FER1L6: variants seen among roughly 807,000 people sequenced by gnomAD.
The protein encoded by FER1L6 is fer-1-like protein 6.
Under a neutral mutation model 219.2 loss-of-function variants are expected in FER1L6, and 177 were observed. The observed-to-expected ratio is 0.81, with a 90% CI of 0.71 to 0.91. The LOEUF (loss-of-function observed/expected upper bound fraction) is 0.91. Ranked by LOEUF, FER1L6 falls within the 40% of genes least tolerant of loss-of-function variation. The pLI, the probability that FER1L6 is intolerant of heterozygous loss-of-function variation, is 0.00. For synonymous variants in FER1L6, 768 were observed against 824.3 expected, an observed-to-expected ratio of 0.93 and a Z score of 1.17; for missense variants, 2,153 against 2,259.9, an observed-to-expected ratio of 0.95 and a Z score of 0.96.
intron 39 of FER1L6, among the ~76,000 whole-genome samples, chr8:124,108,151 G>A (rs1822855794): frequency 6.6e-6 from 1 of 152,172 alleles, no homozygotes; most frequent in South Asian, 2.1e-4. Flanking sequence ...CTGGAGCCCA[G>A]GAGCTCAAGT....
chr8:123,973,378 A>C, intron 6 of FER1L6, 56 bp from the exon 7 acceptor site: 1 of 1,391,334 alleles, frequency 7.2e-7, no homozygotes, highest in South Asian at 1.2e-5. Context: ...GACAAGGGTC[A>C]AGGCCTCTTA....
At chr8:124,090,219 T>C (rs1238788250) in intron 33 of FER1L6, among the ~76,000 whole-genome samples, 2 of 152,220 alleles carry the variant, frequency 1.3e-5, no homozygotes, top group Non-Finnish European at 2.9e-5. Flanking sequence ...AGTCTCTCTT[T>C]CTGGTCTATT....
At chr8:124,072,763 T>TTAGAAG (rs1563782411) in intron 31 of FER1L6, among the ~76,000 whole-genome samples, 1 of 151,992 alleles carries the variant, frequency 6.6e-6, no homozygotes, top group Non-Finnish European at 1.5e-5. Context: ...GAACTTAGAG[T>TTAGAAG]CACTGACAAT....
chr8:123,882,147 G>C (rs7837957), intron 1 of FER1L6, among the ~76,000 whole-genome samples: 3 of 151,946 alleles, frequency 2.0e-5, no homozygotes, highest in Non-Finnish European at 2.9e-5. Context: ...GAAACCCAAA[G>C]GGAATGTCCT....
chr8:123,928,958 A>G (rs11997222), intron 1 of FER1L6, among the ~76,000 whole-genome samples: 8,541 of 152,174 alleles, frequency 0.056, 780 homozygotes, highest in African/African-American at 0.19. Flanking sequence ...TGACTTAATT[A>G]CCAGTGAAAT....
Position 124,013,510 on chromosome 8 carries a change from G to C in FER1L6, c.1901G>C (p.Ser634Thr). The C allele has an allele frequency of 6.2e-7, 1 of 1,609,120 alleles. No individual in the cohort carries two copies. Among genetic ancestry groups the C allele is most frequent in the South Asian group, 1.1e-5 (1 of 90,092 alleles). Residue 634 changes from serine (S) to threonine (T), a missense_variant, in exon 15 of 41, where the codon AGT becomes ACT. Physicochemically the swap from Ser to Thr is moderately conservative, Grantham distance 58. Coordinates refer to ENST00000522917, the MANE Select transcript of FER1L6 (RefSeq NM_001039112.2). ...GAAGAGAAAATGAAAACAGTGCTCA[G>C]TGACTTCATCAGTCGGAGCAGGTAC... ...APEEKMKTVLSDFISRSSAFI... is the reference protein window; with the variant it reads ...APEEKMKTVLTDFISRSSAFI...
At chr8:124,069,786 G>A (rs1198092526) in intron 29 of FER1L6, among the ~76,000 whole-genome samples, 18 of 152,138 alleles carry the variant, frequency 1.2e-4, no homozygotes, top group Admixed American at 1.1e-3. Flanking sequence ...ATGCAAATGT[G>A]TACACACTCA....
chr8:124,095,482 C>A (rs879363747), intron 35 of FER1L6, among the ~76,000 whole-genome samples: 1 of 152,168 alleles, frequency 6.6e-6, no homozygotes, highest in Non-Finnish European at 1.5e-5. Flanking sequence ...CACAAACACA[C>A]AATTTTCCCA....
At chr8:123,941,261 A>G (rs1462295196) in intron 1 of FER1L6, among the ~76,000 whole-genome samples, 1 of 152,238 alleles carries the variant, frequency 6.6e-6, no homozygotes, top group Non-Finnish European at 1.5e-5. Context: ...AGATAGAACC[A>G]GGGTACCTGG....
At chr8:124,039,492 G>A (rs1334086606) in intron 19 of FER1L6, among the ~76,000 whole-genome samples, 1 of 152,168 alleles carries the variant, frequency 6.6e-6, no homozygotes, top group Non-Finnish European at 1.5e-5. Flanking sequence ...TTTAGAAAGA[G>A]AAGAGGATTT....
chr8:124,048,510 G>A (rs1479463569), intron 21 of FER1L6, among the ~76,000 whole-genome samples: 1 of 152,214 alleles, frequency 6.6e-6, no homozygotes, highest in African/African-American at 2.4e-5. Flanking sequence ...CAGAGCCATC[G>A]CATCGCATAC....
intron 7 of FER1L6, 65 bp downstream of exon 7, chr8:123,973,577 C>A: frequency 8.5e-7 from 1 of 1,173,720 alleles, no homozygotes; most frequent in South Asian, 1.2e-5. Flanking sequence ...CTGGAGTCAT[C>A]CCATTCATTC....
intron 18 of FER1L6, among the ~76,000 whole-genome samples, chr8:124,026,894 A>G (rs145283413): frequency 4.6e-5 from 7 of 152,290 alleles, no homozygotes; most frequent in Non-Finnish European, 8.8e-5. Flanking sequence ...GAGATATATT[A>G]TCTCATGGTT....
At position 124,017,679 on chromosome 8, in the gene FER1L6, T is replaced by G. The variant is rs1818260303; in HGVS notation, c.1974T>G (p.Thr658=). ...AGCCCAAGATGTTGAACCAAACCAC[T>G]TTAGATAAGAAGCGACTTACGCTCT... The part of the protein sequence containing the change: ...EKKPKMLNQT[T]LDKKRLTLCW... Residue 658 remains threonine, a synonymous_variant, in exon 16 of 41, where the codon ACT becomes ACG. Coordinates refer to ENST00000522917, the MANE Select transcript of FER1L6 (RefSeq NM_001039112.2). 2 of 1,613,848 alleles carry G rather than the reference T, an allele frequency of 1.2e-6. No homozygotes were observed. Among genetic ancestry groups the G allele is most frequent in the Admixed American group, 3.3e-5 (2 of 60,008 alleles).
intron 1 of FER1L6, among the ~76,000 whole-genome samples, chr8:123,856,128 TATAC>T: frequency 5.6e-5 from 3 of 53,576 alleles, no homozygotes; most frequent in African/African-American, 1.4e-4. Flanking sequence ...GATATATGTA[TATAC>T]ATATGTGTAT....
intron 7 of FER1L6, among the ~76,000 whole-genome samples, chr8:123,973,977 A>T (rs968452545): frequency 6.6e-6 from 1 of 152,268 alleles, no homozygotes; most frequent in African/African-American, 2.4e-5. Context: ...AATGCTTAGT[A>T]AAGAGTCTCA....
chr8:123,915,154 G>T (rs190775386), intron 1 of FER1L6, among the ~76,000 whole-genome samples: 2 of 149,832 alleles, frequency 1.3e-5, no homozygotes, highest in African/African-American at 4.9e-5. Flanking sequence ...ATTTCTTTCT[G>T]CTTCAAAGAC....
At chr8:123,881,400 G>C (rs1817106891) in intron 1 of FER1L6, among the ~76,000 whole-genome samples, 1 of 152,126 alleles carries the variant, frequency 6.6e-6, no homozygotes, top group Non-Finnish European at 1.5e-5. Context: ...TTTTCTCTTT[G>C]TTTTGATGTT....
intron 6 of FER1L6, among the ~76,000 whole-genome samples, chr8:123,971,398 C>T (rs1815807963): frequency 6.6e-6 from 1 of 152,198 alleles, no homozygotes; most frequent in African/African-American, 2.4e-5. Context: ...GACTTTGTTC[C>T]ATTGCTCAGG....
Sources: gnomAD v4.1 joint callset for allele counts (sites outside exome capture counted in the v4.1 genomes callset) on GRCh38, gnomAD v4.1.1 for gene constraint, MANE v1.5 for transcripts, NCBI Gene and HGNC (gene_info 2026-07-23, HGNC 2026-07-21) for gene names.